The following KALRN variants were observed in gnomAD, a reference collection of about 807,000 sequenced individuals.
KALRN encodes kalirin RhoGEF kinase, also known as kalirin.
Under a neutral mutation model 353.7 loss-of-function variants are expected in KALRN, and 70 were observed. The ratio of observed to expected loss-of-function variants is 0.20; its 90% CI spans 0.16 to 0.24. KALRN has a LOEUF of 0.24. Among genes scored for constraint, KALRN ranks in the 10% least tolerant of loss-of-function variants. KALRN has a pLI of 1.00. For missense variants in KALRN, 2,791 were observed against 3,756.7 expected (o/e 0.74, Z 6.72); for synonymous variants, 1,391 against 1,434.8 (o/e 0.97, Z 0.69).
intron 33 of KALRN, among the ~76,000 whole-genome samples, chr3:124,515,964 C>T (rs2066499297): frequency 6.6e-6 from 1 of 152,162 alleles, no homozygotes; most frequent in South Asian, 2.1e-4. Flanking sequence ...TGTTCAGTAT[C>T]ACCCATATGA....
intron 33 of KALRN, among the ~76,000 whole-genome samples, chr3:124,526,153 G>A (rs2067571589): frequency 6.6e-6 from 1 of 152,170 alleles, no homozygotes; most frequent in African/African-American, 2.4e-5. Flanking sequence ...GAGTGTGATG[G>A]TCATTCAAAG....
At chr3:124,618,406 C>T (rs527906877) in intron 34 of KALRN, among the ~76,000 whole-genome samples, 1 of 152,048 alleles carries the variant, frequency 6.6e-6, no homozygotes, top group Non-Finnish European at 1.5e-5. Flanking sequence ...TGAGCCACCG[C>T]GCCCAGCCAT....
chr3:124,494,172 C>G (rs2063473416), intron 32 of KALRN, among the ~76,000 whole-genome samples: 2 of 152,218 alleles, frequency 1.3e-5, no homozygotes, highest in Non-Finnish European at 2.9e-5. Flanking sequence ...AATGCCCCCA[C>G]CTTTTCTCTG....
intron 33 of KALRN, among the ~76,000 whole-genome samples, chr3:124,551,174 G>T (rs534182772): frequency 5.9e-5 from 9 of 152,236 alleles, no homozygotes; most frequent in African/African-American, 2.2e-4. Flanking sequence ...GCATGGGGAA[G>T]CAGTCAGTCC....
chr3:124,160,520 G>T (rs894398327), intron 1 of KALRN, among the ~76,000 whole-genome samples: 1 of 152,138 alleles, frequency 6.6e-6, no homozygotes, highest in Non-Finnish European at 1.5e-5. Context: ...AGGAAAGGAA[G>T]TGTGAAATGA....
intron 4 of KALRN, 112 bp from the exon 5 acceptor site, chr3:124,268,631 C>G (rs2073837390): frequency 1.8e-6 from 2 of 1,134,394 alleles, no homozygotes; most frequent in Non-Finnish European, 2.6e-6. Context: ...ATTTCCGAGG[C>G]AGGCTGTGGT....
intron 1 of KALRN, among the ~76,000 whole-genome samples, chr3:124,090,371 A>G (rs1164908824): frequency 2.0e-5 from 3 of 152,172 alleles, no homozygotes; most frequent in Non-Finnish European, 4.4e-5. Flanking sequence ...TGAGGCAAGG[A>G]GGAATAATTA....
intron 5 of KALRN, among the ~76,000 whole-genome samples, chr3:124,282,715 A>G (rs2149055901): frequency 6.6e-6 from 1 of 152,308 alleles, no homozygotes; most frequent in Middle Eastern, 3.4e-3. Context: ...CTATCTAAAC[A>G]CAGGCATTTA....
Position 124,707,885 on chromosome 3 carries a change from T to A in KALRN, c.8076-5050T>A, listed in dbSNP as rs539117175. 1.0e-3 allele frequency among the ~76,000 whole-genome samples: 152 copies of A among 152,262 alleles called. 1 individual carries two copies. The highest frequency in any genetic ancestry group is 1.9e-3 in the Non-Finnish European group (130 of 67,996). On this transcript the variant is annotated intron_variant, in intron 57 of 59. Coordinates refer to ENST00000682506, the MANE Select transcript of KALRN (RefSeq NM_001388419.1). ...CTAATTCTATATGAAATGACTCAAATCCTGGGCCACCTTCCAGCTGTGCTT... is the reference window on the plus strand; with the variant it reads ...CTAATTCTATATGAAATGACTCAAAACCTGGGCCACCTTCCAGCTGTGCTT...
intron 1 of KALRN, among the ~76,000 whole-genome samples, chr3:124,213,029 C>T (rs1286524433): frequency 1.3e-5 from 2 of 151,978 alleles, no homozygotes; most frequent in South Asian, 2.1e-4. Flanking sequence ...TGTTTATAAT[C>T]TGACATATAG....
chr3:124,721,336 A>G lies in KALRN; in HGVS notation c.*1866A>G, dbSNP rs2063352136. The G allele has an allele frequency of 6.6e-6, 1 of 152,184 alleles. No homozygotes were observed. 9.4% of individuals were successfully genotyped at this position (152,184 alleles called of 1,614,324 possible). On this transcript the variant is annotated 3_prime_UTR_variant, in exon 60 of 60. Transcript: ENST00000682506. ...ACCAAATATATGGAAACCGACTCCG[A>G]CTGTATTTGTTTCTTAATTTTCAAA... is the stretch of plus-strand genomic sequence containing the variant.
chr3:124,113,445 A>T (rs1317006058), intron 1 of KALRN, among the ~76,000 whole-genome samples: 1 of 152,196 alleles, frequency 6.6e-6, no homozygotes, highest in East Asian at 1.9e-4. Flanking sequence ...ACGGAGATAG[A>T]ATATGCATGT....
chr3:124,150,762 A>C (rs1011821120), intron 1 of KALRN, among the ~76,000 whole-genome samples: 1 of 152,216 alleles, frequency 6.6e-6, no homozygotes. Context: ...CTAAGTGTAC[A>C]GCTCCACGGA....
intron 10 of KALRN, among the ~76,000 whole-genome samples, chr3:124,362,333 C>A (rs17312336): frequency 6.6e-6 from 1 of 152,120 alleles, no homozygotes; most frequent in African/African-American, 2.4e-5. Context: ...AAAGCCCACT[C>A]TCAAGTTGTG....
At chr3:124,110,320 ACTTTG>A in intron 1 of KALRN, among the ~76,000 whole-genome samples, 1 of 23,856 alleles carries the variant, frequency 4.2e-5, no homozygotes, top group East Asian at 1.6e-3. Flanking sequence ...TATATGTCAT[ACTTTG>A]ATATATATAT....
chr3:124,116,152 A>T (rs1286529741), intron 1 of KALRN, among the ~76,000 whole-genome samples: 1 of 152,156 alleles, frequency 6.6e-6, no homozygotes. Context: ...TGGTGGCCAG[A>T]TATCTTCTCT....
At chr3:124,048,265 A>G (rs917069456) in intron 1 of KALRN, among the ~76,000 whole-genome samples, 3 of 152,198 alleles carry the variant, frequency 2.0e-5, no homozygotes, top group African/African-American at 4.8e-5. Context: ...AGTATAAGAT[A>G]TATGGTCAAA....
intron 1 of KALRN, among the ~76,000 whole-genome samples, chr3:124,157,033 A>G (rs576216602): frequency 7.9e-5 from 12 of 152,358 alleles, no homozygotes; most frequent in Non-Finnish European, 1.8e-4. Context: ...TTTAAAAACC[A>G]TTGTATATAA....
At chr3:124,333,538 A>G (rs946915997) in intron 8 of KALRN, among the ~76,000 whole-genome samples, 1 of 152,172 alleles carries the variant, frequency 6.6e-6, no homozygotes, top group Non-Finnish European at 1.5e-5. Flanking sequence ...GGGAACTTAC[A>G]TTGACTTCAT....
Sources: gnomAD v4.1 joint callset for allele counts (sites outside exome capture counted in the v4.1 genomes callset) on GRCh38, gnomAD v4.1.1 for gene constraint, MANE v1.5 for transcripts, NCBI Gene and HGNC (gene_info 2026-07-23, HGNC 2026-07-21) for gene names.